The following IL16 variants were observed in gnomAD, a reference collection of about 807,000 sequenced individuals.
The protein encoded by IL16 is interleukin 16.
In IL16, 67 loss-of-function variants were observed where a neutral mutation model predicts 110.1. The ratio of observed to expected loss-of-function variants is 0.61; its 90% confidence interval spans 0.50 to 0.75. IL16 has a LOEUF of 0.75. Among genes scored for constraint, IL16 ranks in the 30% least tolerant of loss-of-function variants. The pLI, the probability that IL16 is intolerant of heterozygous loss-of-function variation, is 0.00. For synonymous variants in IL16, 689 were observed against 662.9 expected (o/e 1.04, Z -0.61); for missense variants, 1,545 against 1,655.0 (o/e 0.93, Z 1.15).
chr15:81,275,394 G>A (rs1157096939), intron 6 of IL16, among the ~76,000 whole-genome samples: 5 of 115,048 alleles, frequency 4.3e-5, no homozygotes, highest in African/African-American at 1.3e-4. Flanking sequence ...GGGGAGGGGA[G>A]GGGAGGGCCC....
chr15:81,304,164 C>T (rs1227073405), intron 16 of IL16, among the ~76,000 whole-genome samples: 1 of 152,232 alleles, frequency 6.6e-6, no homozygotes, highest in Non-Finnish European at 1.5e-5. Context: ...CATGTTCCTG[C>T]GTGTCACTTC....
intron 11 of IL16, chr15:81,292,263 G>A (rs1284491755): frequency 4.5e-6 from 2 of 449,138 alleles, no homozygotes; most frequent in Non-Finnish European, 8.3e-6. Flanking sequence ...TCTGCCAGCA[G>A]CACTCCCCAC....
intron 1 of IL16, among the ~76,000 whole-genome samples, chr15:81,187,896 G>A (rs964226605): frequency 5.3e-5 from 8 of 152,188 alleles, no homozygotes; most frequent in African/African-American, 9.7e-5. Flanking sequence ...AACAAGGTAC[G>A]GAGAGTGGTC....
intron 1 of IL16, among the ~76,000 whole-genome samples, chr15:81,217,258 T>C (rs1370273399): frequency 6.6e-6 from 1 of 152,076 alleles, no homozygotes; most frequent in African/African-American, 2.4e-5. Flanking sequence ...TTTTAGAAAA[T>C]ATTTAAAATT....
At chr15:81,290,845 C>T (rs1899682138) in intron 11 of IL16, among the ~76,000 whole-genome samples, 1 of 152,206 alleles carries the variant, frequency 6.6e-6, no homozygotes, top group East Asian at 1.9e-4. Flanking sequence ...GCCATTCACA[C>T]AATAGCCCCT....
At chr15:81,222,783 CAT>C (rs767207145) in intron 1 of IL16, among the ~76,000 whole-genome samples, 14 of 151,932 alleles carry the variant, frequency 9.2e-5, no homozygotes, top group Non-Finnish European at 1.9e-4. Context: ...TACCCACACA[CAT>C]CTTTCCCTGT....
intron 2 of IL16, among the ~76,000 whole-genome samples, chr15:81,228,829 G>A (rs1328824291): frequency 3.9e-5 from 6 of 152,148 alleles, no homozygotes. Context: ...CCTAGGTTGT[G>A]GTCTGCCTTT....
intron 2 of IL16, among the ~76,000 whole-genome samples, chr15:81,228,044 C>T (rs908109434): frequency 2.6e-5 from 4 of 152,022 alleles, no homozygotes; most frequent in Non-Finnish European, 5.9e-5. Context: ...CTTAAGGGTG[C>T]GCAGTTGTAC....
At position 81,259,932 on chromosome 15, in the gene IL16, T is replaced by C. The variant is rs771623052; in HGVS notation, c.421+52T>C. On this transcript the variant is annotated intron_variant, in intron 3 of 18. Transcript: ENST00000683961. Reference sequence around the variant, plus strand: ...GGAACAGAGCTCAGCTGTTCCTGGATAGCAGGACTATTGGGAGGATAGCGG... The same window carrying C: ...GGAACAGAGCTCAGCTGTTCCTGGACAGCAGGACTATTGGGAGGATAGCGG... 4 of 1,131,106 alleles carry C rather than the reference T, an allele frequency of 3.5e-6. No individual in the cohort carries two copies. In the South Asian group the frequency reaches 3.7e-5, roughly 10 times the overall value. 70.1% of individuals were successfully genotyped at this position (1,131,106 alleles called of 1,614,324 possible).
intron 2 of IL16, among the ~76,000 whole-genome samples, chr15:81,255,812 G>A (rs1595998709): frequency 1.3e-5 from 2 of 152,322 alleles, no homozygotes; most frequent in Admixed American, 6.5e-5. Context: ...TGATTCTCCT[G>A]CCATCAATTG....
At chr15:81,262,854 C>T (rs1340699052) in intron 3 of IL16, among the ~76,000 whole-genome samples, 4 of 152,214 alleles carry the variant, frequency 2.6e-5, no homozygotes. Context: ...TCACTTAAAC[C>T]TGGGAGGCAG....
Position 81,205,328 on chromosome 15 carries a change from G to A in IL16, c.-102+8176G>A, listed in dbSNP as rs150643436. Reference sequence around the variant, plus strand: ...CTCAAAAAAAAAAAAAAAATCTTGAGAGATGATATATAATGATCTATGATG... The same window carrying A: ...CTCAAAAAAAAAAAAAAAATCTTGAAAGATGATATATAATGATCTATGATG... On this transcript the variant is annotated intron_variant, in intron 1 of 18. Coordinates refer to ENST00000683961, the MANE Select transcript of IL16 (RefSeq NM_172217.5). Among the ~76,000 whole-genome samples the A allele has an allele frequency of 2.0e-4, 31 of 151,640 alleles. No individual in the cohort carries two copies. The East Asian group carries it at 5.2e-3, about 26-fold the overall frequency.
At chr15:81,265,952 G>C in intron 4 of IL16, 151 bp downstream of exon 4, 1 of 729,092 alleles carries the variant, frequency 1.4e-6, no homozygotes, top group Non-Finnish European at 2.2e-6. Context: ...CTGCAAGAAG[G>C]TACAACCATC....
At chr15:81,295,388 A>G in intron 12 of IL16, 1 of 1,256,198 alleles carries the variant, frequency 8.0e-7, no homozygotes, top group South Asian at 1.3e-5. Flanking sequence ...GTTGATGAAA[A>G]GACAAAACAC....
At position 81,306,740 on chromosome 15, in the gene IL16, C is replaced by G. The variant is rs1054566394; in HGVS notation, c.3805+195C>G. The G allele has an allele frequency of 1.7e-4, 116 of 684,212 alleles. No individual in the cohort carries two copies. The African/African-American group carries it at 1.7e-3, about 10-fold the overall frequency. 42.4% of individuals were successfully genotyped at this position (684,212 alleles called of 1,614,324 possible). ...CCTTTGCTCAGACATCCCCTCAATC[C>G]CCCCTCTGTTTTGATGGGTCTTCAA... On this transcript the variant is annotated intron_variant, in intron 18 of 18. Transcript: ENST00000683961.
In IL16 at chr15:81,206,866, A is replaced by AATGATGATGATG. The variant is rs5814044; in HGVS notation, c.-102+9731_-102+9742dup. On this transcript the variant is annotated intron_variant, in intron 1 of 18. Transcript: ENST00000683961. ...CAGAAGAGAATTTCGGGCTTTAAAT[A>AATGATGATGATG]ATGATGATGATGATGATGATGATGA... Among the ~76,000 whole-genome samples the AATGATGATGATG allele has an allele frequency of 3.6e-3, 537 of 150,990 alleles. 3 individuals carry two copies. The highest frequency in any genetic ancestry group is 0.011 in the South Asian group (50 of 4,752).
At chr15:81,249,129 C>G (rs1168939318) in intron 2 of IL16, among the ~76,000 whole-genome samples, 1 of 152,140 alleles carries the variant, frequency 6.6e-6, no homozygotes, top group Non-Finnish European at 1.5e-5. Context: ...TCCTGAATAA[C>G]AGAAAAACCA....
intron 14 of IL16, 104 bp downstream of exon 14, chr15:81,300,579 A>G: frequency 1.4e-6 from 1 of 695,950 alleles, no homozygotes; most frequent in Non-Finnish European, 2.3e-6. Flanking sequence ...ATTCCCAGAT[A>G]TATTGATTAA....
intron 1 of IL16, among the ~76,000 whole-genome samples, chr15:81,191,652 G>A (rs1433766111): frequency 6.6e-6 from 1 of 152,146 alleles, no homozygotes; most frequent in East Asian, 1.9e-4. Context: ...AATAAGGAGA[G>A]GTAACGGTGA....
Sources: allele counts gnomAD v4.1 joint callset (sites outside exome capture counted in the v4.1 genomes callset), GRCh38; gene constraint gnomAD v4.1.1; transcripts MANE v1.5; gene names NCBI Gene and HGNC (gene_info 2026-07-23, HGNC 2026-07-21).